Variants in SORCS1 observed in about 807,000 individuals in gnomAD.
SORCS1 encodes VPS10 domain-containing receptor SorCS1.
A neutral mutation model predicts 146.1 loss-of-function variants in SORCS1; 60 were observed. The ratio of observed to expected loss-of-function variants is 0.41; its 90% CI spans 0.33 to 0.51. The LOEUF (loss-of-function observed/expected upper bound fraction) is 0.51. Ranked by LOEUF, SORCS1 falls within the 20% of genes least tolerant of loss-of-function variation. The pLI, the probability that SORCS1 is intolerant of heterozygous loss-of-function variation, is 0.21. For missense variants in SORCS1, 1,352 were observed against 1,487.6 expected (o/e 0.91, Z 1.50); for synonymous variants, 637 against 584.0 (o/e 1.09, Z -1.31).
intron 1 of SORCS1, among the ~76,000 whole-genome samples, chr10:107,125,923 C>T (rs146296295): frequency 4.8e-4 from 73 of 152,280 alleles, no homozygotes; most frequent in Non-Finnish European, 8.4e-4. Flanking sequence ...GCTACCAATG[C>T]TTGTAAATTG....
chr10:106,667,458 T>C, intron 17 of SORCS1: 2 of 492,236 alleles, frequency 4.1e-6, no homozygotes, highest in Non-Finnish European at 7.3e-6. Flanking sequence ...CATTGTGATC[T>C]TCAATCAAGA....
At chr10:106,729,023 G>A (rs2136002112) in intron 6 of SORCS1, among the ~76,000 whole-genome samples, 1 of 152,052 alleles carries the variant, frequency 6.6e-6, no homozygotes, top group South Asian at 2.1e-4. Flanking sequence ...TCTATCCTAG[G>A]CCTAGCGGTA....
intron 2 of SORCS1, among the ~76,000 whole-genome samples, chr10:106,925,472 G>C (rs1952967920): frequency 6.6e-6 from 1 of 152,160 alleles, no homozygotes; most frequent in South Asian, 2.1e-4. Context: ...CAGAGGCTAA[G>C]AGGTGGCCCC....
At chr10:107,009,188 A>G (rs887979165) in intron 1 of SORCS1, among the ~76,000 whole-genome samples, 4 of 152,238 alleles carry the variant, frequency 2.6e-5, no homozygotes, top group African/African-American at 9.6e-5. Flanking sequence ...ATGCAGTGAC[A>G]TCTGCATATA....
intron 6 of SORCS1, among the ~76,000 whole-genome samples, chr10:106,725,591 A>AAATAAATAAGC (rs1856094176): frequency 1.4e-5 from 1 of 72,868 alleles, no homozygotes. Flanking sequence ...AATAAATAAT[A>AAATAAATAAGC]ACAGTAATGA....
At chr10:107,165,702 T>A (rs142041470), upstream of SORCS1, among the ~76,000 whole-genome samples, 3 of 152,222 alleles carry the variant, frequency 2.0e-5, no homozygotes, top group South Asian at 4.1e-4. The surrounding 1 kb of genome is among the most constrained non-coding windows in gnomAD (Gnocchi z 4.0). Context: ...TTATAGTTAT[T>A]CTGTGTCACT....
At chr10:106,749,798 C>T (rs920263674) in intron 5 of SORCS1, among the ~76,000 whole-genome samples, 27 of 152,166 alleles carry the variant, frequency 1.8e-4, no homozygotes, top group African/African-American at 6.0e-4. Context: ...ATGTAACCAA[C>T]CTGAATGATC....
Position 106,978,504 on chromosome 10 carries a change from A to G in SORCS1, c.559-21924T>C, listed in dbSNP as rs189011487. On this transcript the variant is annotated intron_variant, in intron 1 of 25. Coordinates refer to ENST00000263054, the MANE Select transcript of SORCS1 (RefSeq NM_052918.5). ...TTAGCAAGTATTAAAGTTTTTCTTA[A>G]AAGACTAAATAGTGGCCGGGCATGG... Among the ~76,000 whole-genome samples the G allele has an allele frequency of 2.6e-3, 392 of 152,296 alleles. 1 individual carries two copies. Among genetic ancestry groups the G allele is most frequent in the African/African-American group, 8.8e-3 (366 of 41,552 alleles).
At chr10:106,921,513 T>G (rs1952710016) in intron 2 of SORCS1, among the ~76,000 whole-genome samples, 1 of 152,196 alleles carries the variant, frequency 6.6e-6, no homozygotes, top group South Asian at 2.1e-4. Context: ...ACTCCTCTAT[T>G]TGATTGAAGA....
chr10:106,845,922 G>T (rs1949299954), intron 2 of SORCS1, among the ~76,000 whole-genome samples: 1 of 121,858 alleles, frequency 8.2e-6, no homozygotes, highest in Non-Finnish European at 1.9e-5. Flanking sequence ...TGAGGGCTCT[G>T]TTCTGTTCCA....
intron 1 of SORCS1, among the ~76,000 whole-genome samples, chr10:107,048,135 T>C (rs775789955): frequency 6.6e-6 from 1 of 152,210 alleles, no homozygotes; most frequent in Non-Finnish European, 1.5e-5. Context: ...GGGCCTTTCC[T>C]TCTTTCTAAG....
At position 107,080,509 on chromosome 10, in the gene SORCS1, G is replaced by A. The variant is rs564616514; in HGVS notation, c.558+83460C>T. ...CCACTCACAAACTCTTCCCTGAGTC[G>A]CGTGTGGTCTGGTAACAACATATTT... On this transcript the variant is annotated intron_variant, in intron 1 of 25. Coordinates refer to ENST00000263054, the MANE Select transcript of SORCS1 (RefSeq NM_052918.5). 8.3e-4 allele frequency among the ~76,000 whole-genome samples: 126 copies of A among 152,206 alleles called. 3 individuals are homozygous for A. In the South Asian group the frequency reaches 0.024, roughly 29 times the overall value.
chr10:106,585,282 C>T (rs533203977), intron 24 of SORCS1, among the ~76,000 whole-genome samples: 1 of 151,768 alleles, frequency 6.6e-6, no homozygotes, highest in Non-Finnish European at 1.5e-5. Flanking sequence ...ATATATGTGA[C>T]AAGGTACCCA....
intron 1 of SORCS1, among the ~76,000 whole-genome samples, chr10:107,002,606 G>T (rs1053435772): frequency 2.0e-5 from 3 of 152,142 alleles, no homozygotes; most frequent in African/African-American, 4.8e-5. Context: ...TCCTGAATAT[G>T]CTATATTACA....
chr10:107,058,904 C>T (rs1590041542), intron 1 of SORCS1, among the ~76,000 whole-genome samples: 1 of 152,220 alleles, frequency 6.6e-6, no homozygotes, highest in South Asian at 2.1e-4. Context: ...TATCAAATGG[C>T]AATAAGGTAA....
intron 18 of SORCS1, among the ~76,000 whole-genome samples, chr10:106,630,161 G>A (rs963480957): frequency 5.3e-5 from 8 of 152,064 alleles, no homozygotes; most frequent in African/African-American, 1.7e-4. Flanking sequence ...AATACCCCTC[G>A]TTATTTCTTG....
At chr10:106,729,336 C>A (rs1287592915) in intron 6 of SORCS1, among the ~76,000 whole-genome samples, 1 of 152,204 alleles carries the variant, frequency 6.6e-6, no homozygotes, top group Non-Finnish European at 1.5e-5. Context: ...TTCACTGCAG[C>A]ATAACCACCC....
At chr10:106,923,752 C>A (rs921232398) in intron 2 of SORCS1, among the ~76,000 whole-genome samples, 1 of 152,182 alleles carries the variant, frequency 6.6e-6, no homozygotes, top group Non-Finnish European at 1.5e-5. Context: ...ATCTGCATAT[C>A]TTCTTCGGCC....
In SORCS1 at chr10:107,024,274, A is replaced by G. The variant is rs149328657; in HGVS notation, c.559-67694T>C. ...ACCAGCACCTTCTTCTGGTAAGAGA[A>G]TCAGGCTGCTTTCATTCATGGCAGA... On this transcript the variant is annotated intron_variant, in intron 1 of 25. Transcript: ENST00000263054. Among the ~76,000 whole-genome samples, 24 of 152,006 alleles carry G rather than the reference A, an allele frequency of 1.6e-4. No homozygotes were observed. In the East Asian group the frequency reaches 4.5e-3, roughly 28 times the overall value.
Sources: allele counts gnomAD v4.1 joint callset (sites outside exome capture counted in the v4.1 genomes callset), GRCh38; gene constraint gnomAD v4.1.1; non-coding constraint Gnocchi (gnomAD v3.1); transcripts MANE v1.5; gene names NCBI Gene and HGNC (gene_info 2026-07-23, HGNC 2026-07-21).